Variants in ABCA4 observed in about 807,000 individuals in gnomAD.
The protein encoded by ABCA4 is ATP binding cassette subfamily A member 4, also known as retinal-specific phospholipid-transporting ATPase ABCA4.
ABCA4 carries 196 observed loss-of-function variants against 263.7 expected under a neutral mutation model. That is an observed-to-expected ratio of 0.74 (90% confidence interval 0.66 to 0.84). ABCA4 has a LOEUF of 0.84. ABCA4 is among the 40% of genes least tolerant of loss of function. The probability of loss-of-function intolerance (pLI) is 0.00; values close to 1 mark genes in which losing one functional copy is unlikely to be tolerated. For missense variants in ABCA4, 2,792 were observed against 2,855.1 expected (o/e 0.98, Z 0.50); for synonymous variants, 1,133 against 1,094.2 (o/e 1.04, Z -0.70).
At chr1:94,075,344 C>T (rs1277847034) in intron 11 of ABCA4, among the ~76,000 whole-genome samples, 3 of 150,586 alleles carry the variant, frequency 2.0e-5, no homozygotes, top group Non-Finnish European at 4.4e-5. Context: ...GAAAGAAAAT[C>T]TAAAAATTAA....
chr1:94,016,024 C>T (rs151172190), intron 36 of ABCA4, among the ~76,000 whole-genome samples, 170 bp from the exon 37 acceptor site: 34 of 152,248 alleles, frequency 2.2e-4, no homozygotes, highest in African/African-American at 6.5e-4. Flanking sequence ...TGTCACTAGT[C>T]CTCCTACCCC....
chr1:94,114,695 G>A (rs1038419935), intron 1 of ABCA4, among the ~76,000 whole-genome samples: 1 of 152,152 alleles, frequency 6.6e-6, no homozygotes, highest in Non-Finnish European at 1.5e-5. Flanking sequence ...CACCATGTTA[G>A]CCAGGATGGT....
At chr1:94,022,306 T>C (rs1659925623) in intron 32 of ABCA4, among the ~76,000 whole-genome samples, 1 of 152,220 alleles carries the variant, frequency 6.6e-6, no homozygotes, top group Non-Finnish European at 1.5e-5. Flanking sequence ...GCATGGCTGC[T>C]AGCTCCCCTC....
At chr1:94,026,376 C>CA (rs1660039710) in intron 30 of ABCA4, among the ~76,000 whole-genome samples, 1 of 152,228 alleles carries the variant, frequency 6.6e-6, no homozygotes, top group Admixed American at 6.5e-5. Context: ...TTCATCCTGA[C>CA]ACTCTTTGAA....
chr1:94,047,982 C>T (rs148112529), intron 18 of ABCA4, among the ~76,000 whole-genome samples: 1 of 152,358 alleles, frequency 6.6e-6, no homozygotes, highest in Non-Finnish European at 1.5e-5. Context: ...ATCCGTGCCT[C>T]CTGGCCTTGC....
Position 94,008,856 on chromosome 1 carries a change from A to T in ABCA4, c.5730T>A (p.Thr1910=). 6.2e-7 allele frequency: 1 copy of T among 1,612,896 alleles called. No homozygotes were observed. Among genetic ancestry groups the T allele is most frequent in the East Asian group, 2.2e-5 (1 of 44,842 alleles). ...FFLSQWIAEP[T]KEPIVDEDDD... ...CATCTTCATCAACAATGGGCTCCTTAGTGGGCTCGGCAATCCTAGATGAAG... is the reference window on the plus strand; with the variant it reads ...CATCTTCATCAACAATGGGCTCCTTTGTGGGCTCGGCAATCCTAGATGAAG... Residue 1910 remains threonine, a synonymous_variant, in exon 41 of 50, where the codon ACT becomes ACA. Coordinates refer to ENST00000370225, the MANE Select transcript of ABCA4 (RefSeq NM_000350.3).
At chr1:94,059,771 C>T (rs1661069271) in intron 14 of ABCA4, 1 of 152,294 alleles carries the variant, frequency 6.6e-6, no homozygotes, top group African/African-American at 2.4e-5. Flanking sequence ...TAAAAAATGA[C>T]CTAAATTTAT....
At chr1:94,114,870 C>T (rs1662714613) in intron 1 of ABCA4, among the ~76,000 whole-genome samples, 1 of 152,212 alleles carries the variant, frequency 6.6e-6, no homozygotes, top group Admixed American at 6.5e-5. Flanking sequence ...CAGTAAGCTT[C>T]CTGAGGACAG....
At chr1:93,996,346 A>AC in intron 48 of ABCA4, 151 bp from the exon 49 acceptor site, 2 of 701,600 alleles carry the variant, frequency 2.9e-6, no homozygotes, top group Non-Finnish European at 5.1e-6. Context: ...TGGCCCACTC[A>AC]CAGAAGCCTG....
intron 19 of ABCA4, chr1:94,045,903 C>T (rs1171682972): frequency 2.0e-5 from 9 of 456,158 alleles, no homozygotes; most frequent in South Asian, 4.6e-5. Context: ...CCATGGCGGG[C>T]CGTGTTCTCC....
chr1:94,048,893 ATCCTCCGTT>A lies in ABCA4; in HGVS notation c.2709_2717del (p.Glu903_Glu905del). ...CGTGTATTCCTTCTGGGTGCTCTGG[ATCCTCCGTT>A]TCCTCTGTTAGGGGCTCGGTCTTTT... On this transcript the variant is annotated inframe_deletion, in exon 18 of 50. Transcript: ENST00000370225. 6.2e-7 allele frequency: 1 copy of A among 1,613,966 alleles called. No homozygotes were observed. Among genetic ancestry groups the A allele is most frequent in the Non-Finnish European group, 8.5e-7 (1 of 1,180,010 alleles).
intron 26 of ABCA4, among the ~76,000 whole-genome samples, chr1:94,035,099 C>A (rs1046016415): frequency 8.5e-5 from 13 of 152,314 alleles, no homozygotes; most frequent in Non-Finnish European, 8.8e-5. Flanking sequence ...TTGACTGTAT[C>A]TTTGGAACAT....
intron 7 of ABCA4, among the ~76,000 whole-genome samples, chr1:94,081,591 CGT>C (rs1174152091): frequency 2.0e-5 from 3 of 151,826 alleles, no homozygotes; most frequent in Non-Finnish European, 4.4e-5. Flanking sequence ...GTGGTTTTCT[CGT>C]GTGTGTGTGC....
chr1:94,022,782 C>A (rs1164589870), intron 32 of ABCA4, among the ~76,000 whole-genome samples: 1 of 152,172 alleles, frequency 6.6e-6, no homozygotes, highest in African/African-American at 2.4e-5. Flanking sequence ...TCAGCCGAGG[C>A]CCCACAGGTC....
At position 94,019,846 on chromosome 1, in the gene ABCA4, G is replaced by T. The variant is rs975940332; in HGVS notation, c.5019-87C>A. 31 of 1,444,650 alleles carry T rather than the reference G, an allele frequency of 2.1e-5. 1 individual carries two copies. The South Asian group carries it at 2.7e-4, about 13-fold the overall frequency. 89.5% of individuals were successfully genotyped at this position (1,444,650 alleles called of 1,614,324 possible). ...AGATACAAAGTCAGGCTTTGGGAAG[G>T]CCTTACACCCGCCCAGGTGTGGCCT... On this transcript the variant is annotated intron_variant, in intron 35 of 49. Transcript: ENST00000370225.
intron 18 of ABCA4, among the ~76,000 whole-genome samples, chr1:94,047,758 C>T (rs148894708): frequency 6.6e-5 from 10 of 152,262 alleles, no homozygotes; most frequent in South Asian, 2.1e-4. Context: ...GGGCAGTCCA[C>T]GCTTCCTCAT....
intron 36 of ABCA4, among the ~76,000 whole-genome samples, chr1:94,018,934 T>C (rs72958442): frequency 0.013 from 1,948 of 150,468 alleles, 36 homozygotes; most frequent in African/African-American, 0.045. Context: ...GGTCTTATTA[T>C]TTTGGCCACT....
In ABCA4 at chr1:94,076,276, T is replaced by C. The variant is rs74104505; in HGVS notation, c.1554+1414A>G. 2.8e-3 allele frequency among the ~76,000 whole-genome samples: 420 copies of C among 152,036 alleles called. 3 individuals are homozygous for C. Among genetic ancestry groups the C allele is most frequent in the African/African-American group, 9.4e-3 (388 of 41,468 alleles). ...CATTGCTTCTGCTATGGGAAAGGGATTTTTGGTGTATAGATGACTGCTAAG... is the reference window on the plus strand; with the variant it reads ...CATTGCTTCTGCTATGGGAAAGGGACTTTTGGTGTATAGATGACTGCTAAG... On this transcript the variant is annotated intron_variant, in intron 11 of 49. Transcript: ENST00000370225.
At chr1:94,038,907 T>A (rs560782861) in intron 24 of ABCA4, among the ~76,000 whole-genome samples, 3 of 152,288 alleles carry the variant, frequency 2.0e-5, no homozygotes, top group African/African-American at 7.2e-5. Context: ...AACTATTTAG[T>A]GCATTTCCCA....
Sources: gnomAD v4.1 joint callset for allele counts (sites outside exome capture counted in the v4.1 genomes callset) on GRCh38, gnomAD v4.1.1 for gene constraint, MANE v1.5 for transcripts, NCBI Gene and HGNC (gene_info 2026-07-23, HGNC 2026-07-21) for gene names.